Variants in ACSBG1 observed in about 807,000 individuals in gnomAD.
The protein encoded by ACSBG1 is acyl-CoA synthetase bubblegum family member 1.
A neutral mutation model predicts 80.2 loss-of-function variants in ACSBG1; 39 were observed. That is an observed-to-expected ratio of 0.49 (90% confidence interval 0.38 to 0.64). The LOEUF (loss-of-function observed/expected upper bound fraction) is 0.64, where lower values mean the gene tolerates loss of function less well. ACSBG1 is among the 30% of genes least tolerant of loss of function. The pLI, the probability that ACSBG1 is intolerant of heterozygous loss-of-function variation, is 0.00. For synonymous variants in ACSBG1, 392 were observed against 379.5 expected (o/e 1.03, Z -0.38); for missense variants, 828 against 966.4 (o/e 0.86, Z 1.90).
At chr15:78,234,336 A>G in intron 1 of ACSBG1, 35 bp downstream of exon 1, 1 of 1,602,552 alleles carries the variant, frequency 6.2e-7, no homozygotes. Flanking sequence ...CTCGGCCCAC[A>G]GGTGCAGTGT....
rs1247638109 is a variant in ACSBG1, at chr15:78,186,432, C to T, written c.664-3647G>A. ...TGACCACGTAGTTGGAAGTAAAGCT[C>T]TCCTCAGCAAATGTAAAAGATCAGA... On this transcript the variant is annotated intron_variant, in intron 5 of 13. Transcript: ENST00000258873. Among the ~76,000 whole-genome samples the T allele has an allele frequency of 3.3e-5, 5 of 152,278 alleles. No individual in the cohort carries two copies. In the East Asian group the frequency reaches 5.8e-4, roughly 18 times the overall value.
At chr15:78,226,810 T>TA (rs2075407022) in intron 1 of ACSBG1, among the ~76,000 whole-genome samples, 1 of 144,472 alleles carries the variant, frequency 6.9e-6, no homozygotes, top group African/African-American at 2.5e-5. Flanking sequence ...ATAATATATA[T>TA]ATATGACCTT....
intron 1 of ACSBG1, 96 bp downstream of exon 1, chr15:78,234,275 C>A: frequency 6.7e-7 from 1 of 1,502,922 alleles, no homozygotes; most frequent in East Asian, 2.3e-5. Flanking sequence ...AACTGAGGCT[C>A]AGAGAGAGAA....
intron 5 of ACSBG1, among the ~76,000 whole-genome samples, chr15:78,183,091 T>C (rs1238698101): frequency 6.6e-6 from 1 of 152,138 alleles, no homozygotes; most frequent in African/African-American, 2.4e-5. Context: ...GCTATGTGAC[T>C]GTAGGAGAAA....
rs149208273 is a variant in ACSBG1 at position 78,209,648 on chromosome 15, G to A, written c.132-1546C>T. Among the ~76,000 whole-genome samples the A allele has an allele frequency of 2.0e-3, 307 of 152,260 alleles. 2 individuals carry two copies. Among genetic ancestry groups the A allele is most frequent in the African/African-American group, 7.0e-3 (290 of 41,544 alleles). On this transcript the variant is annotated intron_variant, in intron 1 of 13. Coordinates refer to ENST00000258873, the MANE Select transcript of ACSBG1 (RefSeq NM_015162.5). ...GGCAGCGACGGCAAACGAGGGACAC[G>A]TACACTGCTAGGCTCAGAGGCCTGC...
chr15:78,226,144 T>C (rs2075398725), intron 1 of ACSBG1, among the ~76,000 whole-genome samples: 1 of 152,236 alleles, frequency 6.6e-6, no homozygotes, highest in Admixed American at 6.5e-5. Context: ...TTTGTAATTA[T>C]ACACTTTTAG....
chr15:78,222,629 T>C (rs531137618), intron 1 of ACSBG1, among the ~76,000 whole-genome samples: 24 of 152,296 alleles, frequency 1.6e-4, no homozygotes, highest in Admixed American at 1.2e-3. Context: ...CCAGCCCAGG[T>C]GACCAAGCGA....
intron 1 of ACSBG1, among the ~76,000 whole-genome samples, chr15:78,213,056 G>C (rs2075280689): frequency 6.6e-6 from 1 of 152,168 alleles, no homozygotes; most frequent in African/African-American, 2.4e-5. Context: ...GGGCAAAGCA[G>C]AACTGACTCC....
At chr15:78,210,091 C>A (rs2075254226) in intron 1 of ACSBG1, among the ~76,000 whole-genome samples, 1 of 152,196 alleles carries the variant, frequency 6.6e-6, no homozygotes, top group Non-Finnish European at 1.5e-5. Context: ...TTGGCAGCAC[C>A]TTCTTGCTGC....
chr15:78,195,567 A>C (rs1035694764), intron 2 of ACSBG1, among the ~76,000 whole-genome samples: 4 of 152,190 alleles, frequency 2.6e-5, no homozygotes. Context: ...AGTCAATTTC[A>C]GGGGAAAGAT....
rs2074786494 is a variant in ACSBG1 at position 78,168,990 on chromosome 15, A to G, written c.*2454T>C. On this transcript the variant is annotated 3_prime_UTR_variant, in exon 14 of 14. Transcript: ENST00000258873. ...TCACAGAGGAAATCTGTCGCCGAGT[A>G]AAAGATTTAGATTAACACTTCTACA... is the stretch of plus-strand genomic sequence containing the variant. 6.3e-7 allele frequency: 1 copy of G among 1,598,004 alleles called. No homozygotes were observed. Among genetic ancestry groups the G allele is most frequent in the Non-Finnish European group, 8.6e-7 (1 of 1,166,582 alleles).
intron 5 of ACSBG1, among the ~76,000 whole-genome samples, chr15:78,185,424 C>T (rs975076645): frequency 1.3e-5 from 2 of 151,978 alleles, no homozygotes; most frequent in Non-Finnish European, 2.9e-5. Context: ...CTAAATTAGC[C>T]TTAGAGTAAA....
intron 3 of ACSBG1, 21 bp downstream of exon 3, chr15:78,194,485 T>A: frequency 6.2e-7 from 1 of 1,612,838 alleles, no homozygotes; most frequent in Non-Finnish European, 8.5e-7. Context: ...GGCAAGGCCT[T>A]GCCATGAGGG....
At position 78,169,562 on chromosome 15, in the gene ACSBG1, C is replaced by T. The variant is rs1186761145; in HGVS notation, c.*1882G>A. The T allele has an allele frequency of 6.6e-6, 1 of 152,006 alleles. No individual in the cohort carries two copies. Among genetic ancestry groups the T allele is most frequent in the East Asian group, 1.9e-4 (1 of 5,198 alleles). The allele number at this position is 152,006 out of a possible 1,614,324, so 9.4% of individuals were successfully genotyped here. On this transcript the variant is annotated 3_prime_UTR_variant, in exon 14 of 14. Coordinates refer to ENST00000258873, the MANE Select transcript of ACSBG1 (RefSeq NM_015162.5). ...TATGGAAAATAGAGACAGATTTGTCCTTTACAGAAATTACTGAGTGTGAAT... is the reference window on the plus strand; with the variant it reads ...TATGGAAAATAGAGACAGATTTGTCTTTTACAGAAATTACTGAGTGTGAAT...
At chr15:78,193,811 C>T in intron 4 of ACSBG1, 121 bp downstream of exon 4, 1 of 1,443,702 alleles carries the variant, frequency 6.9e-7, no homozygotes, top group Non-Finnish European at 9.4e-7. Context: ...CCAGAAGGCC[C>T]CAGGGAGGAG....
intron 10 of ACSBG1, among the ~76,000 whole-genome samples, chr15:78,179,243 C>A (rs770807674): frequency 6.6e-6 from 1 of 152,144 alleles, no homozygotes; most frequent in Non-Finnish European, 1.5e-5. Flanking sequence ...CACCCCACTC[C>A]AAAAGAGGGA....
At chr15:78,193,682 T>TCCCCCCCCCCCCCCCCCCTTACC in intron 4 of ACSBG1, 56 bp from the exon 5 acceptor site, 1 of 1,560,282 alleles carries the variant, frequency 6.4e-7, no homozygotes, top group East Asian at 2.3e-5. Flanking sequence ...GCCACCCCCT[T>TCCCCCCCCCCCCCCCCCCTTACC]CCCCCACCCC....
At chr15:78,204,066 T>C (rs180768064) in intron 2 of ACSBG1, among the ~76,000 whole-genome samples, 2 of 152,288 alleles carry the variant, frequency 1.3e-5, no homozygotes, top group East Asian at 3.9e-4. Flanking sequence ...TGTTCAGTAG[T>C]TCCTCTGTGT....
chr15:78,184,927 G>A (rs917123058), intron 5 of ACSBG1, among the ~76,000 whole-genome samples: 1 of 152,128 alleles, frequency 6.6e-6, no homozygotes, highest in Non-Finnish European at 1.5e-5. Context: ...CTGAGAGAGG[G>A]AAACAGATGG....
Sources: gnomAD v4.1 joint callset for allele counts (sites outside exome capture counted in the v4.1 genomes callset) on GRCh38, gnomAD v4.1.1 for gene constraint, MANE v1.5 for transcripts, NCBI Gene and HGNC (gene_info 2026-07-23, HGNC 2026-07-21) for gene names.